Variants in CD52 observed in about 807,000 individuals in gnomAD.
CD52 encodes the protein CAMPATH-1 antigen.
In CD52, 2 loss-of-function variants were observed where a neutral mutation model predicts 2.5. The ratio of observed to expected loss-of-function variants is 0.79; its 90% CI spans 0.32 to 2.48. The LOEUF (loss-of-function observed/expected upper bound fraction) is 2.48. Ranked by LOEUF, CD52 falls within the 30% of genes most tolerant of loss-of-function variation. CD52 has a pLI of 0.11. For synonymous variants in CD52, 24 were observed against 27.7 expected, an observed-to-expected ratio of 0.87 and a Z score of 0.42; for missense variants, 62 against 75.8, an observed-to-expected ratio of 0.82 and a Z score of 0.68.
At chr1:26,318,159 C>T (rs1283671156) in intron 1 of CD52, 88 bp downstream of exon 1, 6 of 1,120,608 alleles carry the variant, frequency 5.4e-6, no homozygotes, top group Non-Finnish European at 8.2e-6. Flanking sequence ...CTCCCAGAGA[C>T]CCAGCCTTCT....
Position 26,320,521 on chromosome 1 carries a change from G to A in CD52, c.*219G>A. On this transcript the variant is annotated 3_prime_UTR_variant, in exon 2 of 2. Coordinates refer to ENST00000374213, the MANE Select transcript of CD52 (RefSeq NM_001803.3). ...GGTCAATAAAGTTACCCTTGTACTT[G>A]CAGTGGGGTCCTGCTTGTGGTTACT... The A allele has an allele frequency of 1.9e-6, 1 of 530,380 alleles. No individual in the cohort carries two copies. The highest frequency in any genetic ancestry group is 3.5e-5 in the East Asian group (1 of 28,960). 32.9% of individuals were successfully genotyped at this position (530,380 alleles called of 1,614,324 possible).
intron 1 of CD52, chr1:26,318,930 C>T (rs1369998367): frequency 3.3e-5 from 5 of 152,350 alleles, no homozygotes; most frequent in African/African-American, 1.2e-4. Flanking sequence ...AAGCTAAGCC[C>T]TTTGCCAGGC....
At chr1:26,319,782 G>C (rs2073834213) in intron 1 of CD52, among the ~76,000 whole-genome samples, 1 of 152,050 alleles carries the variant, frequency 6.6e-6, no homozygotes, top group Middle Eastern at 3.4e-3. Flanking sequence ...AGGGCGGGGA[G>C]GGTAGAAAGG....
intron 1 of CD52, 122 bp downstream of exon 1, chr1:26,318,193 C>CT: frequency 1.2e-6 from 1 of 830,686 alleles, no homozygotes; most frequent in South Asian, 1.4e-5. Context: ...AGCAGATGGA[C>CT]TCCAACAGGA....
chr1:26,317,970 G>A lies in CD52; in HGVS notation c.-48G>A. On this transcript the variant is annotated 5_prime_UTR_variant, in exon 1 of 2. Transcript: ENST00000374213. ...AAAAGAAGCCTCCAGACAGCCCTGA[G>A]ATCACCTAAAAAGCTGCTACCAAGA... is the stretch of plus-strand genomic sequence containing the variant. 1 of 1,571,020 alleles carries A rather than the reference G, an allele frequency of 6.4e-7. No individual in the cohort carries two copies.
Position 26,320,497 on chromosome 1 carries a change from G to A in CD52, c.*195G>A. On this transcript the variant is annotated 3_prime_UTR_variant, in exon 2 of 2. Transcript: ENST00000374213. The stretch of plus-strand genomic sequence containing the variant: ...GGGGCCAAGCAGTGCCCAGCTGGGG[G>A]TCAATAAAGTTACCCTTGTACTTGC... 1 of 621,976 alleles carries A rather than the reference G, an allele frequency of 1.6e-6. No individual in the cohort carries two copies. The highest frequency in any genetic ancestry group is 1.9e-5 in the African/African-American group (1 of 53,018). The allele number at this position is 621,976 out of a possible 1,614,324, so 38.5% of individuals were successfully genotyped here.
At position 26,320,372 on chromosome 1, in the gene CD52, C is replaced by T; in HGVS notation, c.*70C>T. ...CCACCATCACTCGCAAGAGAATCCC[C>T]TCCATCTTTGGGAGGGGTTGATGCC... On this transcript the variant is annotated 3_prime_UTR_variant, in exon 2 of 2. Coordinates refer to ENST00000374213, the MANE Select transcript of CD52 (RefSeq NM_001803.3). 6.5e-7 allele frequency: 1 copy of T among 1,538,880 alleles called. No homozygotes were observed. Among genetic ancestry groups the T allele is most frequent in the Admixed American group, 2.1e-5 (1 of 47,298 alleles).
intron 1 of CD52, 74 bp from the exon 2 acceptor site, chr1:26,320,097 G>A (rs2073838289): frequency 5.2e-6 from 8 of 1,534,812 alleles, no homozygotes; most frequent in Non-Finnish European, 7.0e-6. Context: ...TCCAGCCTGG[G>A]TGACAGAGTG....
Position 26,319,788 on chromosome 1 carries a change from A to G in CD52, c.55-383A>G, listed in dbSNP as rs181456387. 3.2e-3 allele frequency among the ~76,000 whole-genome samples: 487 copies of G among 152,082 alleles called. 1 individual carries two copies. The highest frequency in any genetic ancestry group is 0.011 in the African/African-American group (466 of 41,460). ...GGCGGATGGAGGGCGGGGAGGGTAG[A>G]AAGGGGACTGCATCTTTAAATAACA... On this transcript the variant is annotated intron_variant, in intron 1 of 1. Transcript: ENST00000374213.
intron 1 of CD52, 78 bp from the exon 2 acceptor site, chr1:26,320,093 C>T: frequency 6.6e-7 from 1 of 1,525,614 alleles, no homozygotes; most frequent in Non-Finnish European, 8.8e-7. Context: ...GCAGTCCAGC[C>T]TGGGTGACAG....
Position 26,318,342 on chromosome 1 carries a change from C to T in CD52, c.54+271C>T, listed in dbSNP as rs560327828. 20 of 426,906 alleles carry T rather than the reference C, an allele frequency of 4.7e-5. No individual in the cohort carries two copies. The South Asian group carries it at 7.2e-4, about 15-fold the overall frequency. The allele number at this position is 426,906 out of a possible 1,614,324, so 26.4% of individuals were successfully genotyped here. Reference sequence around the variant, plus strand: ...CAGGGTGCTAGGCGCGTTGGGGCACCCAAGGGGTGTTGTGGAATAATAGAG... The same window carrying T: ...CAGGGTGCTAGGCGCGTTGGGGCACTCAAGGGGTGTTGTGGAATAATAGAG... On this transcript the variant is annotated intron_variant, in intron 1 of 1. Coordinates refer to ENST00000374213, the MANE Select transcript of CD52 (RefSeq NM_001803.3).
At chr1:26,319,353 G>A (rs1309061217) in intron 1 of CD52, among the ~76,000 whole-genome samples, 3 of 151,914 alleles carry the variant, frequency 2.0e-5, no homozygotes, top group Admixed American at 6.6e-5. Flanking sequence ...CCAGCTACTC[G>A]GGAGGCTGAG....
At position 26,317,992 on chromosome 1, in the gene CD52, A is replaced by T. The variant is rs2073815903; in HGVS notation, c.-26A>T. The T allele has an allele frequency of 6.2e-7, 1 of 1,612,796 alleles. No homozygotes were observed. Among genetic ancestry groups the T allele is most frequent in the East Asian group, 2.2e-5 (1 of 44,880 alleles). On this transcript the variant is annotated 5_prime_UTR_variant, in exon 1 of 2. Coordinates refer to ENST00000374213, the MANE Select transcript of CD52 (RefSeq NM_001803.3). Reference sequence around the variant, plus strand: ...TGAGATCACCTAAAAAGCTGCTACCAAGACAGCCACGAAGATCCTACCAAA... The same window carrying T: ...TGAGATCACCTAAAAAGCTGCTACCTAGACAGCCACGAAGATCCTACCAAA...
intron 1 of CD52, among the ~76,000 whole-genome samples, chr1:26,319,631 G>A (rs2073832712): frequency 1.3e-5 from 2 of 151,912 alleles, no homozygotes; most frequent in African/African-American, 4.8e-5. Context: ...CTGTGAAAGG[G>A]GGTGGACAGG....
At chr1:26,319,497 G>A (rs1356959790) in intron 1 of CD52, among the ~76,000 whole-genome samples, 7 of 149,850 alleles carry the variant, frequency 4.7e-5, no homozygotes, top group Non-Finnish European at 8.9e-5. Context: ...GCGTGATAGC[G>A]GCTGCCTATA....
In CD52 at chr1:26,320,300, T is replaced by A; in HGVS notation, c.184T>A (p.Ter62ArgextTer7). The A allele has an allele frequency of 6.2e-7, 1 of 1,611,544 alleles. No individual in the cohort carries two copies. Among genetic ancestry groups the A allele is most frequent in the Non-Finnish European group, 8.5e-7 (1 of 1,179,130 alleles). The change falls in exon 2 of 2, where the codon TGA becomes AGA. Residue 62 changes from the stop codon to arginine (R), a stop_lost. Coordinates refer to ENST00000374213, the MANE Select transcript of CD52 (RefSeq NM_001803.3). The part of the protein sequence containing the change: ...NAIIHLFCFS[*>R] The stretch of plus-strand genomic sequence containing the variant: ...CATAATCCACCTCTTCTGCTTCAGT[T>A]GAGGTGACACGTCTCAGCCTTAGCC...
At chr1:26,319,917 C>T (rs1214172424) in intron 1 of CD52, among the ~76,000 whole-genome samples, 2 of 151,834 alleles carry the variant, frequency 1.3e-5, no homozygotes, top group East Asian at 1.9e-4. Context: ...GTCAGGAGTT[C>T]GAGACCAGCC....
At position 26,318,073 on chromosome 1, in the gene CD52, T is replaced by A. The variant is rs1287247080; in HGVS notation, c.54+2T>A. On this transcript the variant is annotated splice_donor_variant, in intron 1 of 1. Transcript: ENST00000374213. LOFTEE classifies it high-confidence loss of function. ...ATCAGCCTCCTGGTTATGGTACAGGTAAGAGCAACGCCTGGCACCACTGCC... is the reference window on the plus strand; with the variant it reads ...ATCAGCCTCCTGGTTATGGTACAGGAAAGAGCAACGCCTGGCACCACTGCC... The A allele has an allele frequency of 6.2e-7, 1 of 1,613,672 alleles. No individual in the cohort carries two copies. Among genetic ancestry groups the A allele is most frequent in the East Asian group, 2.2e-5 (1 of 44,896 alleles).
intron 1 of CD52, chr1:26,318,393 C>A: frequency 3.8e-6 from 1 of 262,026 alleles, no homozygotes; most frequent in Non-Finnish European, 7.5e-6. Context: ...GAAGACAACC[C>A]TGAGTGAGGA....
Sources: gnomAD v4.1 joint callset for allele counts (sites outside exome capture counted in the v4.1 genomes callset) on GRCh38, gnomAD v4.1.1 for gene constraint, MANE v1.5 for transcripts, NCBI Gene and HGNC (gene_info 2026-07-23, HGNC 2026-07-21) for gene names.